Variants in ANKRD36 observed in about 807,000 individuals in gnomAD.
ANKRD36 encodes ankyrin repeat domain 36.
A neutral mutation model predicts 278.1 loss-of-function variants in ANKRD36; 179 were observed. The observed-to-expected ratio is 0.64, with a 90% CI of 0.57 to 0.73. ANKRD36 has a LOEUF of 0.73. Ranked by LOEUF, ANKRD36 falls within the 30% of genes least tolerant of loss-of-function variation. The probability of loss-of-function intolerance (pLI) is 0.00; values close to 1 mark genes in which losing one functional copy is unlikely to be tolerated. For synonymous variants in ANKRD36, 320 were observed against 641.1 expected (o/e 0.50, Z 7.57); for missense variants, 1,159 against 1,956.7 (o/e 0.59, Z 7.69).
At position 97,122,957 on chromosome 2, in the gene ANKRD36, A is replaced by G. The variant is rs1190657868; in HGVS notation, c.557A>G (p.Lys186Arg). Residue 186 changes from lysine (K) to arginine (R), a missense_variant, in exon 4 of 76, where the codon AAA becomes AGA. Lys to Arg is a conservative substitution (Grantham distance 26). Coordinates refer to ENST00000420699, the MANE Select transcript of ANKRD36 (RefSeq NM_001354587.1). ...AAAATGGTGGAATTTTTATTAAAGAAAAAAGCAAATGTAAATGCCATTGAT... is the reference window on the plus strand; with the variant it reads ...AAAATGGTGGAATTTTTATTAAAGAGAAAAGCAAATGTAAATGCCATTGAT... ...KVKMVEFLLK[K>R]KANVNAIDYL... 1 of 1,544,688 alleles carries G rather than the reference A, an allele frequency of 6.5e-7. No homozygotes were observed. The highest frequency in any genetic ancestry group is 8.8e-7 in the Non-Finnish European group (1 of 1,142,686).
intron 67 of ANKRD36, among the ~76,000 whole-genome samples, chr2:97,231,885 A>T (rs1417569940): frequency 6.6e-6 from 1 of 152,112 alleles, no homozygotes; most frequent in Non-Finnish European, 1.5e-5. Flanking sequence ...AAAGCACTCA[A>T]GTGTACACTG....
In ANKRD36 at chr2:97,164,361, T is replaced by C. The variant is rs1248225660; in HGVS notation, c.1459-36T>C. 4 of 1,537,294 alleles carry C rather than the reference T, an allele frequency of 2.6e-6. No homozygotes were observed. In the African/African-American group the frequency reaches 5.5e-5, roughly 21 times the overall value. ...AACAAAATGCTCTGTGATATATACA[T>C]GATATGTTAATCATTATGTTGTCAA... On this transcript the variant is annotated intron_variant, in intron 19 of 75. Coordinates refer to ENST00000420699, the MANE Select transcript of ANKRD36 (RefSeq NM_001354587.1).
chr2:97,190,748 T>C (rs1224782688), intron 34 of ANKRD36, among the ~76,000 whole-genome samples: 1 of 151,700 alleles, frequency 6.6e-6, no homozygotes, highest in Non-Finnish European at 1.5e-5. Context: ...TTTCGACATA[T>C]GACGAATCAT....
At chr2:97,184,771 G>T (rs533265835) in intron 28 of ANKRD36, among the ~76,000 whole-genome samples, 1 of 151,768 alleles carries the variant, frequency 6.6e-6, no homozygotes, top group South Asian at 2.1e-4. Flanking sequence ...CTATCTACTA[G>T]GATTCACCAA....
chr2:97,186,333 CA>C (rs1351212769), intron 30 of ANKRD36, among the ~76,000 whole-genome samples: 1 of 150,634 alleles, frequency 6.6e-6, no homozygotes, highest in Non-Finnish European at 1.5e-5. Flanking sequence ...ATCCTCCTAA[CA>C]AGACAATTTT....
chr2:97,154,925 T>TG lies in ANKRD36; in HGVS notation c.1260+185dup, dbSNP rs529873951. Among the ~76,000 whole-genome samples the TG allele has an allele frequency of 5.4e-3, 779 of 145,566 alleles. 14 individuals carry two copies. The highest frequency in any genetic ancestry group is 0.018 in the African/African-American group (744 of 41,252). ...GGTTAATTTTAATTTTTTTTTACTT[T>TG]GCAAATAAGAAATAGTTGATAAATA... On this transcript the variant is annotated intron_variant, in intron 15 of 75. Transcript: ENST00000420699.
intron 52 of ANKRD36, among the ~76,000 whole-genome samples, 190 bp from the exon 53 acceptor site, chr2:97,207,621 T>A (rs566160250): frequency 6.6e-6 from 1 of 151,644 alleles, no homozygotes; most frequent in African/African-American, 2.4e-5. Context: ...AGACTATATT[T>A]CATGGAGCCT....
At chr2:97,182,633 A>T (rs2056513859) in intron 26 of ANKRD36, among the ~76,000 whole-genome samples, 2 of 151,080 alleles carry the variant, frequency 1.3e-5, no homozygotes, top group African/African-American at 4.8e-5. Flanking sequence ...TGGTGAATTC[A>T]TTAATTGACT....
chr2:97,122,107 C>T (rs1440502363), intron 3 of ANKRD36, among the ~76,000 whole-genome samples: 1 of 100,488 alleles, frequency 1.0e-5, no homozygotes, highest in African/African-American at 2.7e-5. Flanking sequence ...GTCAGGTGCT[C>T]AGGTGCTCAG....
chr2:97,129,655 G>T (rs1229305300), intron 6 of ANKRD36, among the ~76,000 whole-genome samples: 1 of 152,026 alleles, frequency 6.6e-6, no homozygotes, highest in Non-Finnish European at 1.5e-5. Context: ...TGTATAAGGT[G>T]TAAGGAAGGG....
At chr2:97,227,547 G>C (rs1348143648) in intron 67 of ANKRD36, among the ~76,000 whole-genome samples, 1 of 152,094 alleles carries the variant, frequency 6.6e-6, no homozygotes, top group African/African-American at 2.4e-5. Context: ...GGGTTTTCTA[G>C]ATATACAATC....
intron 40 of ANKRD36, among the ~76,000 whole-genome samples, chr2:97,195,444 G>T (rs2059497812): frequency 1.3e-5 from 2 of 151,990 alleles, no homozygotes; most frequent in East Asian, 3.9e-4. Context: ...GAGGAAACCT[G>T]AGTGAACTCA....
intron 63 of ANKRD36, 25 bp downstream of exon 63, chr2:97,217,230 T>C: frequency 6.5e-7 from 1 of 1,549,346 alleles, no homozygotes; most frequent in East Asian, 2.5e-5. Context: ...ATTTATATTT[T>C]GAATTATTTA....
intron 67 of ANKRD36, among the ~76,000 whole-genome samples, chr2:97,231,537 C>T (rs1417575047): frequency 6.6e-6 from 1 of 152,156 alleles, no homozygotes; most frequent in Non-Finnish European, 1.5e-5. Flanking sequence ...TGCTGTCTGT[C>T]ACCCCTTTCT....
chr2:97,124,545 G>T lies in ANKRD36; in HGVS notation c.679G>T (p.Asp227Tyr). The change falls in exon 5 of 76, where the codon GAT (aspartate) becomes TAT (tyrosine). Residue 227 changes from aspartate to tyrosine, a missense_variant. Transcript: ENST00000420699. ...GCACAATATTGATGTGCTTTCTCGA[G>T]ATGCGTTTCGAAAGATTGCAGGAGA... ...LQHNIDVLSR[D>Y]AFRKIAGDYA... 2 of 1,553,110 alleles carry T rather than the reference G, an allele frequency of 1.3e-6. No individual in the cohort carries two copies. The highest frequency in any genetic ancestry group is 1.2e-5 in the South Asian group (1 of 84,072).
chr2:97,192,913 A>C lies in ANKRD36; in HGVS notation c.2376+27A>C, dbSNP rs1166458505. 2.5e-6 allele frequency: 4 copies of C among 1,603,554 alleles called. No homozygotes were observed. The East Asian group carries it at 6.8e-5, about 27-fold the overall frequency. ...TAATGAAACACTCATTTATATTGTG[A>C]ATGAGTTAAGGTATGGTCTATGAAA... On this transcript the variant is annotated intron_variant, in intron 37 of 75. Coordinates refer to ENST00000420699, the MANE Select transcript of ANKRD36 (RefSeq NM_001354587.1).
intron 67 of ANKRD36, among the ~76,000 whole-genome samples, chr2:97,228,416 A>G (rs1447630836): frequency 1.3e-5 from 2 of 152,052 alleles, no homozygotes; most frequent in Non-Finnish European, 2.9e-5. Flanking sequence ...TTTCTAGTTT[A>G]TTTGTGTAGA....
intron 40 of ANKRD36, among the ~76,000 whole-genome samples, chr2:97,196,268 A>T (rs1379038850): frequency 3.5e-4 from 53 of 152,086 alleles, no homozygotes; most frequent in African/African-American, 2.6e-4. Flanking sequence ...GATTCTCAGG[A>T]GTGTGAGTTG....
At chr2:97,129,529 G>T (rs550734661) in intron 6 of ANKRD36, among the ~76,000 whole-genome samples, 1 of 152,176 alleles carries the variant, frequency 6.6e-6, no homozygotes, top group South Asian at 2.1e-4. Context: ...TGGTGTTTTA[G>T]ACGTGAAGTC....
Sources: gnomAD v4.1 joint callset for allele counts (sites outside exome capture counted in the v4.1 genomes callset) on GRCh38, gnomAD v4.1.1 for gene constraint, MANE v1.5 for transcripts, NCBI Gene and HGNC (gene_info 2026-07-23, HGNC 2026-07-21) for gene names.